CNTNAP2: variants seen among roughly 807,000 people sequenced by gnomAD.
CNTNAP2 encodes contactin associated protein 2, also known as contactin-associated protein-like 2.
In CNTNAP2, 98 loss-of-function variants were observed where a neutral mutation model predicts 155.2. The observed-to-expected ratio is 0.63, with a 90% CI of 0.54 to 0.75. The LOEUF (loss-of-function observed/expected upper bound fraction) is 0.75, where lower values mean the gene tolerates loss of function less well. Ranked by LOEUF, CNTNAP2 falls within the 30% of genes least tolerant of loss-of-function variation. The pLI, the probability that CNTNAP2 is intolerant of heterozygous loss-of-function variation, is 0.00. For synonymous variants in CNTNAP2, 651 were observed against 631.2 expected, an observed-to-expected ratio of 1.03 and a Z score of -0.47; for missense variants, 1,727 against 1,688.1, an observed-to-expected ratio of 1.02 and a Z score of -0.40.
At chr7:148,315,405 G>A (rs1168057947) in intron 21 of CNTNAP2, among the ~76,000 whole-genome samples, 1 of 152,132 alleles carries the variant, frequency 6.6e-6, no homozygotes. Context: ...GCAGGAGTGG[G>A]GGTCACAGGG....
intron 1 of CNTNAP2, among the ~76,000 whole-genome samples, chr7:146,628,801 A>G (rs1202671589): frequency 6.6e-6 from 1 of 152,106 alleles, no homozygotes; most frequent in Non-Finnish European, 1.5e-5. Context: ...CAGAAACTAG[A>G]TCAAAGTGTT....
At chr7:147,125,882 T>C (rs754805630) in intron 6 of CNTNAP2, among the ~76,000 whole-genome samples, 1 of 152,208 alleles carries the variant, frequency 6.6e-6, no homozygotes, top group Non-Finnish European at 1.5e-5. Context: ...TTCTCCTTTA[T>C]GTAAAAGAAG....
At chr7:147,704,456 G>C in intron 13 of CNTNAP2, 1 of 165,834 alleles carries the variant, frequency 6.0e-6, no homozygotes. Context: ...GACAGCCAAA[G>C]CCACTGGGTA....
At position 146,938,456 on chromosome 7, in the gene CNTNAP2, CAT is replaced by C. The variant is rs200744858; in HGVS notation, c.402+98559_402+98560del. Among the ~76,000 whole-genome samples, 1,351 of 149,338 alleles carry C rather than the reference CAT, an allele frequency of 9.0e-3. 15 individuals carry two copies. Among genetic ancestry groups the C allele is most frequent in the African/African-American group, 0.03 (1,205 of 40,764 alleles). Reference sequence around the variant, plus strand: ...ATACATGTGTGTATACATATGTACACATATATATGTATATATAATATATAAAA... The same window carrying C: ...ATACATGTGTGTATACATATGTACACATATATGTATATATAATATATAAAA... On this transcript the variant is annotated intron_variant, in intron 3 of 23. Coordinates refer to ENST00000361727, the MANE Select transcript of CNTNAP2 (RefSeq NM_014141.6).
chr7:147,045,541 A>G (rs771129859), intron 4 of CNTNAP2, among the ~76,000 whole-genome samples: 7 of 152,222 alleles, frequency 4.6e-5, no homozygotes, highest in Non-Finnish European at 1.0e-4. Context: ...TAAAATTAGT[A>G]GAGAGACAAA....
intron 1 of CNTNAP2, among the ~76,000 whole-genome samples, chr7:146,759,199 T>A (rs1802043096): frequency 6.6e-6 from 1 of 152,124 alleles, no homozygotes; most frequent in South Asian, 2.1e-4. Context: ...ATCCTAGAAA[T>A]CAATGCAACA....
chr7:146,224,536 A>G, intron 1 of CNTNAP2, among the ~76,000 whole-genome samples: 1 of 151,672 alleles, frequency 6.6e-6, no homozygotes, highest in African/African-American at 2.4e-5. Flanking sequence ...TCATGAGGTC[A>G]GGAGATTGAG....
At chr7:147,425,224 A>G (rs972998951) in intron 10 of CNTNAP2, among the ~76,000 whole-genome samples, 3 of 151,226 alleles carry the variant, frequency 2.0e-5, no homozygotes, top group Non-Finnish European at 4.4e-5. Context: ...CAAAAAAAAA[A>G]AATTGTTATT....
chr7:148,110,044 G>A lies in CNTNAP2; in HGVS notation c.2384-8074G>A, dbSNP rs558801608. Among the ~76,000 whole-genome samples, 168 of 151,112 alleles carry A rather than the reference G, an allele frequency of 1.1e-3. 1 individual carries two copies. The Middle Eastern group carries it at 0.024, about 22-fold the overall frequency. On this transcript the variant is annotated intron_variant, in intron 15 of 23. Coordinates refer to ENST00000361727, the MANE Select transcript of CNTNAP2 (RefSeq NM_014141.6). Reference sequence around the variant, plus strand: ...ACTTGTTTAATCCTAAACAGGTCCTGTTAAGAATTCCTTCATTATCTTGCC... The same window carrying A: ...ACTTGTTTAATCCTAAACAGGTCCTATTAAGAATTCCTTCATTATCTTGCC...
chr7:147,516,764 C>A (rs1245722363), intron 11 of CNTNAP2, among the ~76,000 whole-genome samples: 1 of 151,246 alleles, frequency 6.6e-6, no homozygotes, highest in Non-Finnish European at 1.5e-5. Flanking sequence ...CTTTCTAGTT[C>A]TCTATGTCAA....
chr7:146,527,628 G>T (rs574010094), intron 1 of CNTNAP2, among the ~76,000 whole-genome samples: 1 of 152,008 alleles, frequency 6.6e-6, no homozygotes, highest in East Asian at 1.9e-4. Flanking sequence ...TTTACTTTAA[G>T]AATAAATAAT....
chr7:148,233,432 G>T (rs955428662), intron 20 of CNTNAP2, among the ~76,000 whole-genome samples: 6 of 152,160 alleles, frequency 3.9e-5, no homozygotes, highest in Non-Finnish European at 7.3e-5. Context: ...AGGTCACAAG[G>T]TCTTACCACT....
intron 3 of CNTNAP2, among the ~76,000 whole-genome samples, chr7:146,925,831 G>T (rs1327882028): frequency 6.6e-6 from 1 of 151,896 alleles, no homozygotes; most frequent in East Asian, 1.9e-4. Context: ...TCAAAATCAG[G>T]GCACATACAA....
chr7:147,943,496 A>G (rs146521702), intron 14 of CNTNAP2, among the ~76,000 whole-genome samples: 132 of 152,232 alleles, frequency 8.7e-4, no homozygotes, highest in African/African-American at 3.0e-3. Flanking sequence ...GGCCGGGCGA[A>G]GTCGCTCACG....
At chr7:147,907,879 C>A (rs114285808) in intron 14 of CNTNAP2, among the ~76,000 whole-genome samples, 319 of 152,108 alleles carry the variant, frequency 2.1e-3, no homozygotes, top group African/African-American at 7.4e-3. Flanking sequence ...CCCCCAGTCT[C>A]ATGGCTCAGC....
At chr7:147,763,696 T>G (rs569545501) in intron 13 of CNTNAP2, among the ~76,000 whole-genome samples, 1 of 152,196 alleles carries the variant, frequency 6.6e-6, no homozygotes, top group Non-Finnish European at 1.5e-5. Context: ...AGCCAAGCCC[T>G]TCTTGCTTCA....
chr7:147,550,380 T>C (rs1465212330), intron 11 of CNTNAP2, among the ~76,000 whole-genome samples: 1 of 152,152 alleles, frequency 6.6e-6, no homozygotes, highest in Non-Finnish European at 1.5e-5. Context: ...GATCTGATTG[T>C]TTTATAAATA....
Position 147,243,773 on chromosome 7 carries a change from T to C in CNTNAP2, c.1349-56368T>C, listed in dbSNP as rs541896200. 9.9e-5 allele frequency among the ~76,000 whole-genome samples: 15 copies of C among 152,278 alleles called. No individual in the cohort carries two copies. In the South Asian group the frequency reaches 2.7e-3, roughly 27 times the overall value. ...ACATCTCCATTATCTGGTTAACATA[T>C]CATTTTGCAAAATATTAAAAGATCT... On this transcript the variant is annotated intron_variant, in intron 8 of 23. Transcript: ENST00000361727.
intron 9 of CNTNAP2, among the ~76,000 whole-genome samples, chr7:147,360,909 C>T (rs1796137691): frequency 6.6e-6 from 1 of 152,080 alleles, no homozygotes; most frequent in African/African-American, 2.4e-5. Flanking sequence ...TAAGTGGTTT[C>T]CTTGAACATT....
Sources: allele counts gnomAD v4.1 joint callset (sites outside exome capture counted in the v4.1 genomes callset), GRCh38; gene constraint gnomAD v4.1.1; transcripts MANE v1.5; gene names NCBI Gene and HGNC (gene_info 2026-07-23, HGNC 2026-07-21).